MYT1L: variants seen among roughly 807,000 people sequenced by gnomAD.
MYT1L encodes myelin transcription factor 1 like, also known as myelin transcription factor 1-like protein.
In MYT1L, 12 loss-of-function variants were observed where a neutral mutation model predicts 126.7. The observed-to-expected ratio is 0.09, with a 90% CI of 0.06 to 0.15. The LOEUF (loss-of-function observed/expected upper bound fraction) is 0.15, where lower values mean the gene tolerates loss of function less well. MYT1L is among the 10% of genes least tolerant of loss of function. The pLI, the probability that MYT1L is intolerant of heterozygous loss-of-function variation, is 1.00. For synonymous variants in MYT1L, 541 were observed against 604.2 expected (o/e 0.90, Z 1.53); for missense variants, 979 against 1,585.2 (o/e 0.62, Z 6.49).
intron 4 of MYT1L, 149 bp downstream of exon 4, chr2:2,053,829 G>C (rs2069138336): frequency 6.6e-6 from 1 of 152,604 alleles, no homozygotes; most frequent in Non-Finnish European, 1.5e-5. Flanking sequence ...TTAAAAGCAA[G>C]AGGTGTTGTA....
chr2:2,192,389 C>A (rs1482428545), intron 2 of MYT1L, among the ~76,000 whole-genome samples: 4 of 149,986 alleles, frequency 2.7e-5, no homozygotes, highest in Non-Finnish European at 4.4e-5. Flanking sequence ...TTTCTTTATC[C>A]TTTTATTCAG....
chr2:1,818,402 C>T (rs1333068194), intron 21 of MYT1L, among the ~76,000 whole-genome samples: 1 of 152,206 alleles, frequency 6.6e-6, no homozygotes, highest in Non-Finnish European at 1.5e-5. Context: ...GTGAGTTTCA[C>T]TCTAATAACA....
intron 4 of MYT1L, among the ~76,000 whole-genome samples, chr2:2,045,467 G>A (rs1373192140): frequency 1.3e-5 from 2 of 152,180 alleles, no homozygotes; most frequent in Admixed American, 6.5e-5. Context: ...AATTCATAGA[G>A]CATCATCAAA....
chr2:2,007,770 G>A (rs1356306628), intron 4 of MYT1L, among the ~76,000 whole-genome samples: 5 of 152,120 alleles, frequency 3.3e-5, no homozygotes, highest in Non-Finnish European at 7.4e-5. Context: ...TTCTGGGAGT[G>A]GAAGATCTGA....
At chr2:1,953,505 T>C (rs1165449619) in intron 8 of MYT1L, among the ~76,000 whole-genome samples, 2 of 152,206 alleles carry the variant, frequency 1.3e-5, no homozygotes, top group Non-Finnish European at 2.9e-5. Context: ...GAATTCAGGG[T>C]CATGTGTTGT....
chr2:1,974,510 G>T (rs1205409177), intron 8 of MYT1L: 1 of 152,220 alleles, frequency 6.6e-6, no homozygotes, highest in African/African-American at 2.4e-5. Flanking sequence ...AAATTCAGGT[G>T]ACTGGCTAAT....
At chr2:2,151,377 G>A (rs2085757341) in intron 3 of MYT1L, among the ~76,000 whole-genome samples, 2 of 152,042 alleles carry the variant, frequency 1.3e-5, no homozygotes, top group African/African-American at 4.8e-5. Context: ...AACAGCTGGG[G>A]AGGGATGTAC....
intron 16 of MYT1L, among the ~76,000 whole-genome samples, chr2:1,888,244 T>A (rs1389402406): frequency 6.6e-6 from 1 of 152,224 alleles, no homozygotes; most frequent in Admixed American, 6.5e-5. Context: ...TTCTGTCATT[T>A]TAGGAGGGCT....
intron 18 of MYT1L, among the ~76,000 whole-genome samples, chr2:1,856,449 G>T (rs1171798197): frequency 6.6e-6 from 1 of 152,094 alleles, no homozygotes; most frequent in African/African-American, 2.4e-5. Flanking sequence ...GTTTTCCATT[G>T]GTGCACATCA....
At chr2:2,233,925 T>A (rs964647368) in intron 2 of MYT1L, among the ~76,000 whole-genome samples, 2 of 152,170 alleles carry the variant, frequency 1.3e-5, no homozygotes, top group African/African-American at 4.8e-5. Flanking sequence ...TGTTTTTGTG[T>A]TTTTCTTCAT....
chr2:1,946,238 T>C (rs2057209423), intron 8 of MYT1L, among the ~76,000 whole-genome samples: 1 of 152,052 alleles, frequency 6.6e-6, no homozygotes, highest in Non-Finnish European at 1.5e-5. Flanking sequence ...GATGGGACCA[T>C]CTAGTTGCAG....
At chr2:1,856,100 A>C (rs2043882573) in intron 18 of MYT1L, among the ~76,000 whole-genome samples, 2 of 152,126 alleles carry the variant, frequency 1.3e-5, no homozygotes, top group South Asian at 4.1e-4. Context: ...AAACAAAACC[A>C]CCCAAGCAAC....
At chr2:1,870,134 A>G (rs2046096288) in intron 18 of MYT1L, among the ~76,000 whole-genome samples, 2 of 152,164 alleles carry the variant, frequency 1.3e-5, no homozygotes, top group South Asian at 4.1e-4. Context: ...GACTCTAGTA[A>G]TGAGAATTTC....
At chr2:1,999,663 C>T (rs990816839) in intron 4 of MYT1L, among the ~76,000 whole-genome samples, 16 of 151,994 alleles carry the variant, frequency 1.1e-4, no homozygotes, top group East Asian at 1.9e-4. Flanking sequence ...AAAATGAAAA[C>T]GAGTTAATAC....
rs2053031139 is a variant in MYT1L at position 1,917,596 on chromosome 2, T to G, written c.1484-257A>C. Among the ~76,000 whole-genome samples, 1 of 152,202 alleles carries G rather than the reference T, an allele frequency of 6.6e-6. No individual in the cohort carries two copies. Among genetic ancestry groups the G allele is most frequent in the African/African-American group, 2.4e-5 (1 of 41,452 alleles). On this transcript the variant is annotated intron_variant, in intron 10 of 24. Coordinates refer to ENST00000647738, the MANE Select transcript of MYT1L (RefSeq NM_001303052.2). The surrounding 1 kb of genome is among the most constrained non-coding windows in gnomAD (Gnocchi z 5.9). ...AGAAAAGCCTACCCCTCACCTTAAC[T>G]CTGATTCATTATTTTCCCGTGTGTT...
intron 8 of MYT1L, among the ~76,000 whole-genome samples, chr2:1,976,627 G>A (rs997775173): frequency 6.6e-6 from 1 of 152,184 alleles, no homozygotes; most frequent in Admixed American, 6.5e-5. Flanking sequence ...GGGCAACAGA[G>A]TGAGACTCCA....
intron 4 of MYT1L, among the ~76,000 whole-genome samples, chr2:2,026,107 C>A (rs2065530114): frequency 6.6e-6 from 1 of 152,210 alleles, no homozygotes; most frequent in Non-Finnish European, 1.5e-5. Flanking sequence ...GGGTCTAGGG[C>A]TTGAAGCTTT....
At position 2,041,311 on chromosome 2, in the gene MYT1L, T is replaced by A. The variant is rs576157376; in HGVS notation, c.-158+12667A>T. Reference sequence around the variant, plus strand: ...TCAATTGCAAATCCAACATGAAGTGTTTTACTTGAAGGAAATTGCCTTCTT... The same window carrying A: ...TCAATTGCAAATCCAACATGAAGTGATTTACTTGAAGGAAATTGCCTTCTT... On this transcript the variant is annotated intron_variant, in intron 4 of 24. Transcript: ENST00000647738. 2.6e-5 allele frequency among the ~76,000 whole-genome samples: 4 copies of A among 152,288 alleles called. No homozygotes were observed. The East Asian group carries it at 7.7e-4, about 29-fold the overall frequency.
chr2:2,054,797 G>A (rs72767355), intron 3 of MYT1L, among the ~76,000 whole-genome samples: 5,922 of 152,130 alleles, frequency 0.039, 136 homozygotes, highest in South Asian at 0.082. Context: ...AGACACAAGA[G>A]ATGATGAGAC....
Sources: gnomAD v4.1 joint callset for allele counts (sites outside exome capture counted in the v4.1 genomes callset) on GRCh38, gnomAD v4.1.1 for gene constraint, Gnocchi (gnomAD v3.1) non-coding constraint, MANE v1.5 for transcripts, NCBI Gene and HGNC (gene_info 2026-07-23, HGNC 2026-07-21) for gene names.